SH3GL3: variants seen among roughly 807,000 people sequenced by gnomAD.
The protein encoded by SH3GL3 is SH3 domain containing GRB2 like 3, endophilin A3, also known as endophilin-A3.
Under a neutral mutation model 47.7 loss-of-function variants are expected in SH3GL3, and 33 were observed. The observed-to-expected ratio is 0.69, with a 90% CI of 0.52 to 0.92. The LOEUF (loss-of-function observed/expected upper bound fraction) is 0.92. Among genes scored for constraint, SH3GL3 ranks in the 40% least tolerant of loss-of-function variants. The pLI is 0.00. For missense variants in SH3GL3, 363 were observed against 417.8 expected, an observed-to-expected ratio of 0.87 and a Z score of 1.14; for synonymous variants, 155 against 148.8, an observed-to-expected ratio of 1.04 and a Z score of -0.30.
chr15:83,516,141 G>A (rs182787038), intron 1 of SH3GL3, among the ~76,000 whole-genome samples: 86 of 152,096 alleles, frequency 5.7e-4, no homozygotes, highest in African/African-American at 2.0e-3. Flanking sequence ...TGGATTACTG[G>A]CAAGGCTCAA....
At chr15:83,547,488 A>G (rs35011477) in intron 1 of SH3GL3, among the ~76,000 whole-genome samples, 14,753 of 152,192 alleles carry the variant, frequency 0.097, 939 homozygotes, top group Non-Finnish European at 0.15. Flanking sequence ...TATCATTCCT[A>G]TCCTCTTCAG....
chr15:83,449,394 G>GAGCAT (rs2039622364), intron 1 of SH3GL3, among the ~76,000 whole-genome samples: 1 of 152,228 alleles, frequency 6.6e-6, no homozygotes, highest in Non-Finnish European at 1.5e-5. Flanking sequence ...GAGCAGAGCA[G>GAGCAT]AGCAGTGCCA....
At chr15:83,477,534 A>G (rs2041154906) in intron 1 of SH3GL3, among the ~76,000 whole-genome samples, 1 of 152,186 alleles carries the variant, frequency 6.6e-6, no homozygotes, top group African/African-American at 2.4e-5. Flanking sequence ...TCATCATCAT[A>G]TTCTTTTAAA....
intron 1 of SH3GL3, among the ~76,000 whole-genome samples, chr15:83,520,044 CG>C (rs1441854177): frequency 6.6e-6 from 1 of 152,156 alleles, no homozygotes; most frequent in African/African-American, 2.4e-5. Flanking sequence ...GCCAGAGTAT[CG>C]GCATCTTCTT....
intron 1 of SH3GL3, among the ~76,000 whole-genome samples, chr15:83,449,450 G>T (rs1356024539): frequency 6.6e-6 from 1 of 152,196 alleles, no homozygotes; most frequent in Non-Finnish European, 1.5e-5. Flanking sequence ...CTTAGCACTG[G>T]CAGGAAATGA....
chr15:83,568,623 G>T lies in SH3GL3; in HGVS notation c.282G>T (p.Gly94=), dbSNP rs749603485. Residue 94 remains glycine, a synonymous_variant, in exon 4 of 9, where the codon GGG becomes GGT. Transcript: ENST00000427482. ...ACCCGCAGACGGAAGGCTTGCTGGG[G>T]GACTGTATGCTGAAATACGGGAAGG... is the stretch of plus-strand genomic sequence containing the variant. ...TGYPQTEGLL[G]DCMLKYGKEL... is the part of the protein sequence containing the mutation. 1 of 1,613,748 alleles carries T rather than the reference G, an allele frequency of 6.2e-7. No homozygotes were observed. Among genetic ancestry groups the T allele is most frequent in the South Asian group, 1.1e-5 (1 of 91,060 alleles).
At chr15:83,566,893 A>T (rs1432481201) in intron 3 of SH3GL3, among the ~76,000 whole-genome samples, 1 of 152,212 alleles carries the variant, frequency 6.6e-6, no homozygotes, top group Non-Finnish European at 1.5e-5. Flanking sequence ...ATTAGGCTCA[A>T]CCCAGACCGA....
chr15:83,531,680 G>T (rs1013966205), intron 1 of SH3GL3, among the ~76,000 whole-genome samples: 3 of 152,180 alleles, frequency 2.0e-5, no homozygotes, highest in Non-Finnish European at 4.4e-5. Flanking sequence ...TATGGAGGAA[G>T]AATTTGAGGA....
rs534498985 is a variant in SH3GL3 at position 83,534,640 on chromosome 15, G to A, written c.46-24613G>A. 5.3e-5 allele frequency among the ~76,000 whole-genome samples: 8 copies of A among 152,146 alleles called. No homozygotes were observed. The South Asian group carries it at 6.2e-4, about 12-fold the overall frequency. On this transcript the variant is annotated intron_variant, in intron 1 of 8. Transcript: ENST00000427482. ...TTTAAGAAAATAAAAATTAACTCCA[G>A]GTCCTAAAAACAAAACATTCAGAAA...
chr15:83,485,825 T>C (rs1051711750), intron 1 of SH3GL3, among the ~76,000 whole-genome samples: 1 of 152,178 alleles, frequency 6.6e-6, no homozygotes, highest in East Asian at 1.9e-4. Context: ...GCCTACCATG[T>C]GGATTTGTTT....
At chr15:83,541,420 G>A (rs1228395051) in intron 1 of SH3GL3, among the ~76,000 whole-genome samples, 1 of 132,906 alleles carries the variant, frequency 7.5e-6, no homozygotes, top group Non-Finnish European at 1.6e-5. Context: ...TGCAAGCTCC[G>A]CCTCCCGGGT....
intron 1 of SH3GL3, among the ~76,000 whole-genome samples, chr15:83,537,860 A>C (rs2043983049): frequency 6.6e-6 from 1 of 151,976 alleles, no homozygotes; most frequent in African/African-American, 2.4e-5. Context: ...CAGCCCTGTT[A>C]TAGATGTTAT....
At chr15:83,553,222 A>G (rs1263936101) in intron 1 of SH3GL3, among the ~76,000 whole-genome samples, 3 of 152,186 alleles carry the variant, frequency 2.0e-5, no homozygotes, top group Admixed American at 1.3e-4. Context: ...AAAAAAACAA[A>G]AAACAAAGAC....
At chr15:83,573,632 A>G (rs2059594689) in intron 5 of SH3GL3, among the ~76,000 whole-genome samples, 1 of 152,170 alleles carries the variant, frequency 6.6e-6, no homozygotes, top group Admixed American at 6.5e-5. Context: ...TGTGACAGAG[A>G]TGAGGCTGGT....
At chr15:83,485,254 G>T (rs564032763) in intron 1 of SH3GL3, among the ~76,000 whole-genome samples, 1 of 152,292 alleles carries the variant, frequency 6.6e-6, no homozygotes, top group South Asian at 2.1e-4. Context: ...TACTATTTGT[G>T]TGGGTTTTAT....
chr15:83,458,202 GA>G (rs973218152), intron 1 of SH3GL3, among the ~76,000 whole-genome samples: 1 of 152,204 alleles, frequency 6.6e-6, no homozygotes, highest in African/African-American at 2.4e-5. Context: ...AGAAACCTGG[GA>G]AAGTGTTGAG....
chr15:83,623,260 T>A (rs2060919913), downstream of SH3GL3, among the ~76,000 whole-genome samples: 1 of 152,156 alleles, frequency 6.6e-6, no homozygotes, highest in African/African-American at 2.4e-5. Context: ...ACCCCCCAAA[T>A]CAGTGACTTA....
chr15:83,600,130 C>T (rs2060342327), intron 8 of SH3GL3, among the ~76,000 whole-genome samples: 1 of 152,130 alleles, frequency 6.6e-6, no homozygotes, highest in Non-Finnish European at 1.5e-5. Flanking sequence ...GATTTTCTCC[C>T]ACTCTGTGGG....
At chr15:83,609,911 A>G (rs1477618939) in intron 8 of SH3GL3, among the ~76,000 whole-genome samples, 1 of 152,120 alleles carries the variant, frequency 6.6e-6, no homozygotes, top group Non-Finnish European at 1.5e-5. Context: ...GTCCCTTCTG[A>G]TGCCATCTCT....
Sources: gnomAD v4.1 joint callset for allele counts (sites outside exome capture counted in the v4.1 genomes callset) on GRCh38, gnomAD v4.1.1 for gene constraint, MANE v1.5 for transcripts, NCBI Gene and HGNC (gene_info 2026-07-23, HGNC 2026-07-21) for gene names.